ANO3: variants seen among roughly 807,000 people sequenced by gnomAD.
The protein encoded by ANO3 is anoctamin 3.
In ANO3, 99 loss-of-function variants were observed where a neutral mutation model predicts 144.8. The ratio of observed to expected loss-of-function variants is 0.68; its 90% confidence interval spans 0.58 to 0.81. The LOEUF is 0.81. Ranked by LOEUF, ANO3 falls within the 30% of genes least tolerant of loss-of-function variation. ANO3 has a pLI of 0.00. For synonymous variants in ANO3, 414 were observed against 392.6 expected, an observed-to-expected ratio of 1.05 and a Z score of -0.64; for missense variants, 905 against 1,202.2, an observed-to-expected ratio of 0.75 and a Z score of 3.66.
chr11:26,306,087 T>C (rs1234700732), upstream of ANO3, among the ~76,000 whole-genome samples: 1 of 151,284 alleles, frequency 6.6e-6, no homozygotes, highest in Non-Finnish European at 1.5e-5. Context: ...GCCTCCAGAG[T>C]AGCTGGGACT....
chr11:26,549,158 A>G (rs1371314054), intron 12 of ANO3, among the ~76,000 whole-genome samples: 4 of 151,982 alleles, frequency 2.6e-5, no homozygotes, highest in Non-Finnish European at 1.5e-5. Context: ...TTATATACCA[A>G]TAGAGTAAAT....
intron 1 of ANO3, among the ~76,000 whole-genome samples, chr11:26,349,671 C>G (rs1368080518): frequency 1.3e-5 from 2 of 152,120 alleles, no homozygotes; most frequent in Non-Finnish European, 2.9e-5. Context: ...GCCTCAGCCT[C>G]CGGAGTAGCT....
chr11:26,350,077 G>A (rs879630990), intron 1 of ANO3, among the ~76,000 whole-genome samples: 1 of 151,570 alleles, frequency 6.6e-6, no homozygotes, highest in Admixed American at 6.6e-5. Context: ...AGACAGGAAC[G>A]GAAGGGGGAG....
intron 17 of ANO3, among the ~76,000 whole-genome samples, chr11:26,609,723 C>T (rs998071848): frequency 6.6e-6 from 1 of 152,106 alleles, no homozygotes; most frequent in African/African-American, 2.4e-5. Flanking sequence ...ATCTCTTCTA[C>T]ATACTGATTT....
At chr11:26,614,392 G>C (rs1220323462) in intron 17 of ANO3, among the ~76,000 whole-genome samples, 1 of 152,134 alleles carries the variant, frequency 6.6e-6, no homozygotes, top group African/African-American at 2.4e-5. Context: ...CCTATGTTCT[G>C]GGCAGCTGAG....
intron 3 of ANO3, among the ~76,000 whole-genome samples, chr11:26,453,088 A>G (rs897437530): frequency 6.6e-6 from 1 of 152,128 alleles, no homozygotes; most frequent in Non-Finnish European, 1.5e-5. Context: ...AGCACTAAAC[A>G]TGGAAAGGAA....
At chr11:26,195,432 A>AAAG (rs1239463890) in intron 1 of ANO3, among the ~76,000 whole-genome samples, 2 of 152,208 alleles carry the variant, frequency 1.3e-5, no homozygotes, top group African/African-American at 2.4e-5. Context: ...GGAGCCAGAA[A>AAAG]AAAAGACTTC....
chr11:26,498,008 G>A (rs1861036059), intron 4 of ANO3, among the ~76,000 whole-genome samples: 1 of 151,944 alleles, frequency 6.6e-6, no homozygotes, highest in Non-Finnish European at 1.5e-5. Context: ...TGTGTAGAAA[G>A]TTGTCTTTGC....
intron 1 of ANO3, among the ~76,000 whole-genome samples, chr11:26,226,357 T>A (rs909104005): frequency 6.6e-6 from 1 of 152,062 alleles, no homozygotes; most frequent in Non-Finnish European, 1.5e-5. Flanking sequence ...ATTTAAAAAA[T>A]TTTCCCTAGT....
intron 1 of ANO3, among the ~76,000 whole-genome samples, chr11:26,433,121 G>A (rs986247837): frequency 6.6e-6 from 1 of 152,062 alleles, no homozygotes; most frequent in Non-Finnish European, 1.5e-5. Flanking sequence ...CACCTCTCTG[G>A]TTAGCTGTAT....
intron 1 of ANO3, among the ~76,000 whole-genome samples, chr11:26,407,076 G>GTATATATATATATATATATA (rs374806519): frequency 4.9e-5 from 5 of 101,502 alleles, no homozygotes; most frequent in East Asian, 3.2e-4. Flanking sequence ...GTGTGTGTGT[G>GTATATATATATATATATATA]TATATATATA....
chr11:26,279,463 A>G (rs1362987627), intron 1 of ANO3, among the ~76,000 whole-genome samples: 2 of 152,208 alleles, frequency 1.3e-5, no homozygotes, highest in Non-Finnish European at 1.5e-5. Context: ...TTTCATATGC[A>G]GAATAAAGAA....
At chr11:26,411,469 G>A (rs1857430834) in intron 1 of ANO3, among the ~76,000 whole-genome samples, 1 of 151,814 alleles carries the variant, frequency 6.6e-6, no homozygotes, top group Non-Finnish European at 1.5e-5. Context: ...AGATAGTATA[G>A]AAGTAAACCA....
rs796272139 is a variant in ANO3, at chr11:26,389,595, T to C, written c.47-52323T>C. Among the ~76,000 whole-genome samples the C allele has an allele frequency of 9.2e-5, 14 of 152,160 alleles. 1 individual carries two copies. Among genetic ancestry groups the C allele is most frequent in the African/African-American group, 3.4e-4 (14 of 41,554 alleles). On this transcript the variant is annotated intron_variant, in intron 1 of 26. Coordinates refer to ENST00000256737, the MANE Select transcript of ANO3 (RefSeq NM_031418.4). ...ATTATAGATACCATTCTTTAGAGACTTTATGAACTATATAACATTTGAAAA... is the reference window on the plus strand; with the variant it reads ...ATTATAGATACCATTCTTTAGAGACCTTATGAACTATATAACATTTGAAAA...
At chr11:26,597,648 A>G (rs1002800991) in intron 14 of ANO3, among the ~76,000 whole-genome samples, 1 of 152,174 alleles carries the variant, frequency 6.6e-6, no homozygotes, top group Non-Finnish European at 1.5e-5. Flanking sequence ...GCTCTCATAC[A>G]ATGGGAGGGG....
At chr11:26,298,862 G>A (rs117549663) in intron 1 of ANO3, among the ~76,000 whole-genome samples, 1,673 of 152,284 alleles carry the variant, frequency 0.011, 16 homozygotes, top group Middle Eastern at 0.027. Flanking sequence ...TCCATCGACT[G>A]AAATGACAAA....
chr11:26,598,996 A>G lies in ANO3; in HGVS notation c.1669A>G (p.Met557Val). ...TGTTTCTGTCTCAGGAATATTCTTC[A>G]TGGTAAAGTATAGGCATCGATATCA... ...LLVSVSGIFF[M>V]ISLVITAVFG... Residue 557 changes from methionine to valine, a missense_variant and splice_region_variant, in exon 16 of 27, where the codon ATG becomes GTG. Around this residue, in one of 4 missense-constraint regions of ANO3, gnomAD observed 597 missense variants for 865.1 expected, o/e 0.69. Coordinates refer to ENST00000256737, the MANE Select transcript of ANO3 (RefSeq NM_031418.4). 2 of 1,613,794 alleles carry G rather than the reference A, an allele frequency of 1.2e-6. No homozygotes were observed. Among genetic ancestry groups the G allele is most frequent in the Non-Finnish European group, 8.5e-7 (1 of 1,179,878 alleles).
At chr11:26,496,974 G>GTATATATATATATATATA (rs71047855) in intron 4 of ANO3, among the ~76,000 whole-genome samples, 19 of 136,504 alleles carry the variant, frequency 1.4e-4, no homozygotes, top group African/African-American at 4.7e-4. Context: ...AATGTTGTGT[G>GTATATATATATATATATA]TATATATATA....
chr11:26,287,532 G>A (rs1301028238), intron 1 of ANO3: 5 of 152,172 alleles, frequency 3.3e-5, no homozygotes, highest in Non-Finnish European at 7.3e-5. Context: ...TCCAGAGTCT[G>A]TGATCTTCAC....
Sources: allele counts gnomAD v4.1 joint callset (sites outside exome capture counted in the v4.1 genomes callset), GRCh38; gene constraint gnomAD v4.1.1; regional missense constraint gnomAD v4.1.1; transcripts MANE v1.5; gene names NCBI Gene and HGNC (gene_info 2026-07-23, HGNC 2026-07-21).